TBX5: variants seen among roughly 807,000 people sequenced by gnomAD.
TBX5 encodes the protein T-box transcription factor TBX5.
A neutral mutation model predicts 51.1 loss-of-function variants in TBX5; 8 were observed. The observed-to-expected ratio is 0.16, with a 90% confidence interval of 0.09 to 0.28. The LOEUF is 0.28. TBX5 is among the 10% of genes least tolerant of loss of function. The pLI is 1.00. For synonymous variants in TBX5, 302 were observed against 266.4 expected (o/e 1.13, Z -1.30); for missense variants, 589 against 671.7 (o/e 0.88, Z 1.36).
chr12:114,400,993 C>A (rs1871777842), intron 3 of TBX5, among the ~76,000 whole-genome samples: 1 of 152,154 alleles, frequency 6.6e-6, no homozygotes, highest in African/African-American at 2.4e-5. Context: ...CTGCTCGGGG[C>A]ATCCTCTGGC....
intron 8 of TBX5, among the ~76,000 whole-genome samples, chr12:114,364,125 G>A (rs1405788021): frequency 6.6e-6 from 1 of 152,198 alleles, no homozygotes; most frequent in Non-Finnish European, 1.5e-5. Context: ...CCTTTAAAAC[G>A]CAAGATTGGT....
At position 114,355,952 on chromosome 12, in the gene TBX5, C is replaced by T; in HGVS notation, c.1137G>A (p.Met379Ile). The T allele has an allele frequency of 6.2e-7, 1 of 1,613,982 alleles. No homozygotes were observed. The highest frequency in any genetic ancestry group is 8.5e-7 in the Non-Finnish European group (1 of 1,180,040). The change falls in exon 9 of 9, where the codon ATG (methionine) becomes ATA (isoleucine). Residue 379 changes from methionine to isoleucine, a missense_variant. Around this residue, in one of 7 missense-constraint regions of TBX5, gnomAD observed 348 missense variants for 360.4 expected, o/e 0.97. Coordinates refer to ENST00000405440, the MANE Select transcript of TBX5 (RefSeq NM_181486.4). Reference protein sequence around the residue: ...RTESAQRQACMYASSAPPSEP... With the variant: ...RTESAQRQACIYASSAPPSEP... ...CGCTGGGGGGCGCAGAGCTGGCATA[C>T]ATGCAAGCTTGCCGCTGTGCCGACT... is the stretch of plus-strand genomic sequence containing the variant.
chr12:114,385,136 C>G (rs995145758), intron 7 of TBX5, among the ~76,000 whole-genome samples: 3 of 149,738 alleles, frequency 2.0e-5, no homozygotes, highest in Non-Finnish European at 4.4e-5. Flanking sequence ...TCGGCTGTGA[C>G]TTATGGGAAG....
chr12:114,380,860 A>AT (rs1555225012), intron 7 of TBX5, among the ~76,000 whole-genome samples: 2 of 150,070 alleles, frequency 1.3e-5, no homozygotes, highest in Admixed American at 1.3e-4. Flanking sequence ...TAAAAAAAAA[A>AT]CTCCTTTGTC....
At position 114,355,563 on chromosome 12, in the gene TBX5, C is replaced by A. The variant is rs1868838040; in HGVS notation, c.1526G>T (p.Gly509Val). ...ATTGTCGCTCCACTCTGGCACCATG[C>A]CAACTCCGTGCACAGAGTGGTACTG... ...PHQYHSVHGVGMVPEWSDNS is the reference protein window; with the variant it reads ...PHQYHSVHGVVMVPEWSDNS Residue 509 changes from glycine to valine, a missense_variant, in exon 9 of 9, where the codon GGC becomes GTC. This residue lies in a region of TBX5 where 348 missense variants were observed against 360.4 expected (regional missense o/e 0.97). Transcript: ENST00000405440. 2 of 1,614,070 alleles carry A rather than the reference C, an allele frequency of 1.2e-6. No individual in the cohort carries two copies. Among genetic ancestry groups the A allele is most frequent in the African/African-American group, 2.7e-5 (2 of 74,920 alleles).
At chr12:114,364,638 TCTGGG>T (rs1234142533) in intron 8 of TBX5, among the ~76,000 whole-genome samples, 8 of 152,126 alleles carry the variant, frequency 5.3e-5, no homozygotes, top group Admixed American at 2.6e-4. Flanking sequence ...GGCAGTCTTC[TCTGGG>T]AAGACTGATT....
chr12:114,396,077 G>A (rs1200204083), intron 5 of TBX5, among the ~76,000 whole-genome samples: 1 of 152,120 alleles, frequency 6.6e-6, no homozygotes, highest in East Asian at 1.9e-4. Flanking sequence ...GATGACCCTG[G>A]GGCAAGATTC....
chr12:114,355,432 G>A lies in TBX5; in HGVS notation c.*100C>T. ...AACATTGGGTGAAATGAAAAATCTTGTCCGTGGGGTTCTCTTGGCTACTGT... is the reference window on the plus strand; with the variant it reads ...AACATTGGGTGAAATGAAAAATCTTATCCGTGGGGTTCTCTTGGCTACTGT... On this transcript the variant is annotated 3_prime_UTR_variant, in exon 9 of 9. Coordinates refer to ENST00000405440, the MANE Select transcript of TBX5 (RefSeq NM_181486.4). 6.9e-7 allele frequency: 1 copy of A among 1,440,644 alleles called. No homozygotes were observed. Among genetic ancestry groups the A allele is most frequent in the Non-Finnish European group, 9.5e-7 (1 of 1,047,642 alleles). The allele number at this position is 1,440,644 out of a possible 1,614,324, so 89.2% of individuals were successfully genotyped here.
intron 7 of TBX5, among the ~76,000 whole-genome samples, chr12:114,382,658 G>C (rs970448853): frequency 6.6e-6 from 1 of 152,102 alleles, no homozygotes; most frequent in African/African-American, 2.4e-5. Context: ...TTAGCCAGGC[G>C]TGGTGGTGAA....
At chr12:114,407,728 A>G (rs929646501), upstream of TBX5, 6 of 979,542 alleles carry the variant, frequency 6.1e-6, no homozygotes, top group Middle Eastern at 5.2e-4. Flanking sequence ...AAGATTCAGC[A>G]AGACTAAGAC....
intron 6 of TBX5, among the ~76,000 whole-genome samples, chr12:114,387,451 C>G (rs1870879824): frequency 6.6e-6 from 1 of 152,168 alleles, no homozygotes; most frequent in South Asian, 2.1e-4. Flanking sequence ...ATACAACACT[C>G]TAGAAAAAGC....
At chr12:114,385,910 C>G (rs1167887756) in intron 6 of TBX5, among the ~76,000 whole-genome samples, 2 of 151,870 alleles carry the variant, frequency 1.3e-5, no homozygotes, top group East Asian at 3.9e-4. Context: ...TCAGTACTCC[C>G]TCCCCTTTGG....
intron 7 of TBX5, among the ~76,000 whole-genome samples, chr12:114,382,655 G>C (rs377662618): frequency 1.9e-3 from 284 of 152,262 alleles, no homozygotes; most frequent in African/African-American, 6.6e-3. Context: ...AAATTAGCCA[G>C]GCGTGGTGGT....
chr12:114,387,405 C>T (rs534903547), intron 6 of TBX5, among the ~76,000 whole-genome samples: 7 of 152,126 alleles, frequency 4.6e-5, no homozygotes, highest in African/African-American at 1.4e-4. Flanking sequence ...AAAAAATATA[C>T]ATACAATTAA....
intron 7 of TBX5, among the ~76,000 whole-genome samples, chr12:114,384,703 G>A (rs1448527251): frequency 2.8e-5 from 3 of 105,416 alleles, no homozygotes; most frequent in Non-Finnish European, 4.2e-5. Context: ...CCACCAAACA[G>A]AAAAAAAGAA....
intron 6 of TBX5, among the ~76,000 whole-genome samples, chr12:114,390,386 T>C (rs1565937436): frequency 1.3e-5 from 2 of 152,230 alleles, no homozygotes; most frequent in Non-Finnish European, 2.9e-5. Flanking sequence ...AACTGACTTC[T>C]ATTCACCATG....
intron 7 of TBX5, among the ~76,000 whole-genome samples, chr12:114,374,248 G>C (rs1870074793): frequency 6.6e-6 from 1 of 152,222 alleles, no homozygotes; most frequent in South Asian, 2.1e-4. Flanking sequence ...ATTTTAATGT[G>C]AGGATGTTAA....
rs764923882 is a variant in TBX5 at position 114,355,560 on chromosome 12, A to T, written c.1529T>A (p.Met510Lys). The T allele has an allele frequency of 6.2e-7, 1 of 1,614,178 alleles. No homozygotes were observed. Among genetic ancestry groups the T allele is most frequent in the Non-Finnish European group, 8.5e-7 (1 of 1,180,044 alleles). Reference sequence around the variant, plus strand: ...GCTATTGTCGCTCCACTCTGGCACCATGCCAACTCCGTGCACAGAGTGGTA... The same window carrying T: ...GCTATTGTCGCTCCACTCTGGCACCTTGCCAACTCCGTGCACAGAGTGGTA... The part of the protein sequence containing the change: ...HQYHSVHGVG[M>K]VPEWSDNS The change falls in exon 9 of 9, where the codon ATG (methionine) becomes AAG (lysine). Residue 510 changes from methionine (M) to lysine (K), a missense_variant. Transcript: ENST00000405440.
Position 114,406,032 on chromosome 12 carries a change from C to T in TBX5, c.-443G>A, listed in dbSNP as rs1009417049. ...CTTTCAGGATTAAAGTTCCCGGATT[C>T]GAGGTAAGAGTCAGTCTCTCTCACT... On this transcript the variant is annotated 5_prime_UTR_variant, in exon 1 of 9. Coordinates refer to ENST00000405440, the MANE Select transcript of TBX5 (RefSeq NM_181486.4). 1.6e-5 allele frequency: 16 copies of T among 985,100 alleles called. No homozygotes were observed. Among genetic ancestry groups the T allele is most frequent in the Non-Finnish European group, 1.9e-5 (16 of 829,906 alleles). 61.0% of individuals were successfully genotyped at this position (985,100 alleles called of 1,614,324 possible). A position where few individuals can be genotyped will look rare whatever the true frequency, so the allele number is the denominator to read the frequency against.
Sources: gnomAD v4.1 joint callset for allele counts (sites outside exome capture counted in the v4.1 genomes callset) on GRCh38, gnomAD v4.1.1 for gene constraint, gnomAD v4.1.1 regional missense constraint, MANE v1.5 for transcripts, NCBI Gene and HGNC (gene_info 2026-07-23, HGNC 2026-07-21) for gene names.